CREB5: variants seen among roughly 807,000 people sequenced by gnomAD.
The protein encoded by CREB5 is cyclic AMP-responsive element-binding protein 5.
CREB5 carries 19 observed loss-of-function variants against 57.1 expected under a neutral mutation model. The observed-to-expected ratio is 0.33, with a 90% CI of 0.23 to 0.49. CREB5 has a LOEUF of 0.49. Ranked by LOEUF, CREB5 falls within the 20% of genes least tolerant of loss-of-function variation. The pLI is 0.99. For missense variants in CREB5, 579 were observed against 671.6 expected (o/e 0.86, Z 1.52); for synonymous variants, 238 against 238.3 (o/e 1.00, Z 0.01).
At chr7:28,521,493 G>C (rs1314401295) in intron 4 of CREB5, among the ~76,000 whole-genome samples, 2 of 152,140 alleles carry the variant, frequency 1.3e-5, no homozygotes, top group Non-Finnish European at 2.9e-5. Context: ...AATTGCAGGG[G>C]TGCCTTGCAG....
chr7:28,817,971 T>C (rs1369182499), intron 9 of CREB5, 100 bp from the exon 10 acceptor site: 2 of 745,056 alleles, frequency 2.7e-6, no homozygotes, highest in Non-Finnish European at 4.5e-6. Context: ...CATTTAGACA[T>C]AATGGAAGAG....
chr7:28,355,639 T>G (rs1786324254), intron 1 of CREB5, among the ~76,000 whole-genome samples: 1 of 152,134 alleles, frequency 6.6e-6, no homozygotes, highest in South Asian at 2.1e-4. Context: ...CTGCCACCAC[T>G]TAAATGGTAT....
Position 28,790,694 on chromosome 7 carries a change from A to G in CREB5, c.703-13505A>G, listed in dbSNP as rs114000304. ...AGGAAACGTTTCAATCGAAACCCAG[A>G]GTAGCAACATCTGCCTAGCAGAAGC... On this transcript the variant is annotated intron_variant, in intron 7 of 10. Transcript: ENST00000357727. 4.8e-3 allele frequency among the ~76,000 whole-genome samples: 734 copies of G among 152,374 alleles called. 12 individuals carry two copies. The highest frequency in any genetic ancestry group is 0.017 in the African/African-American group (710 of 41,600).
At chr7:28,563,993 C>G (rs1471907979) in intron 4 of CREB5, among the ~76,000 whole-genome samples, 2 of 152,214 alleles carry the variant, frequency 1.3e-5, no homozygotes, top group African/African-American at 4.8e-5. Flanking sequence ...TAGATAGCTC[C>G]TGAGAGCACC....
chr7:28,556,738 T>C (rs550781643), intron 4 of CREB5, among the ~76,000 whole-genome samples: 3 of 152,310 alleles, frequency 2.0e-5, no homozygotes, highest in African/African-American at 7.2e-5. Flanking sequence ...GCCTGGCCCG[T>C]ACACACAATC....
chr7:28,563,280 C>T (rs1004164502), intron 4 of CREB5, among the ~76,000 whole-genome samples: 4 of 152,090 alleles, frequency 2.6e-5, no homozygotes, highest in South Asian at 2.1e-4. Context: ...TGTTTTCAGA[C>T]GCTGTGCTGG....
At chr7:28,630,498 A>G (rs1798161675) in intron 5 of CREB5, among the ~76,000 whole-genome samples, 1 of 152,238 alleles carries the variant, frequency 6.6e-6, no homozygotes. Context: ...GAGTGCTGAA[A>G]AAAACATATG....
chr7:28,570,254 C>A, intron 4 of CREB5, 111 bp from the exon 5 acceptor site: 2 of 1,179,256 alleles, frequency 1.7e-6, no homozygotes, highest in Admixed American at 2.3e-5. Context: ...GAAGCCATAA[C>A]TCTCTATGTA....
intron 1 of CREB5, among the ~76,000 whole-genome samples, chr7:28,414,168 C>CCTTCTT (rs982151339): frequency 6.6e-6 from 1 of 151,786 alleles, no homozygotes; most frequent in South Asian, 2.1e-4. Context: ...TTCTCCTTCT[C>CCTTCTT]CTTCTTCTTC....
chr7:28,364,825 C>T (rs1338565747), intron 1 of CREB5, among the ~76,000 whole-genome samples: 2 of 152,174 alleles, frequency 1.3e-5, no homozygotes, highest in African/African-American at 2.4e-5. Flanking sequence ...AACTATCTGT[C>T]TTCCTTCATC....
chr7:28,425,049 A>G (rs759933601), intron 1 of CREB5, among the ~76,000 whole-genome samples: 1 of 152,170 alleles, frequency 6.6e-6, no homozygotes, highest in African/African-American at 2.4e-5. Context: ...GGTAAATTCA[A>G]TGTCTTGGGG....
intron 1 of CREB5, among the ~76,000 whole-genome samples, chr7:28,454,206 G>T (rs1265240035): frequency 2.0e-5 from 3 of 152,100 alleles, no homozygotes; most frequent in African/African-American, 4.8e-5. Flanking sequence ...GCCTGCCTCG[G>T]CCTCCCAAAG....
At chr7:28,696,166 C>T (rs1801546907) in intron 5 of CREB5, among the ~76,000 whole-genome samples, 1 of 152,176 alleles carries the variant, frequency 6.6e-6, no homozygotes, top group African/African-American at 2.4e-5. Context: ...TGGGAGCCTC[C>T]AAAGCTCTGT....
At chr7:28,562,468 G>T (rs1795313702) in intron 4 of CREB5, among the ~76,000 whole-genome samples, 1 of 152,228 alleles carries the variant, frequency 6.6e-6, no homozygotes. Flanking sequence ...TCTGGGGATT[G>T]GAGGGGAGCC....
intron 1 of CREB5, among the ~76,000 whole-genome samples, chr7:28,436,635 C>T (rs948550540): frequency 6.6e-6 from 1 of 152,086 alleles, no homozygotes; most frequent in Non-Finnish European, 1.5e-5. Flanking sequence ...TAATTAGATG[C>T]AATTGTCATT....
chr7:28,496,282 A>C (rs1168884149), intron 3 of CREB5, among the ~76,000 whole-genome samples: 1 of 152,250 alleles, frequency 6.6e-6, no homozygotes, highest in South Asian at 2.1e-4. Context: ...TAAATGTATT[A>C]GAAGAGAAAC....
chr7:28,411,025 G>GT (rs1241008481), upstream of CREB5, among the ~76,000 whole-genome samples: 1 of 152,134 alleles, frequency 6.6e-6, no homozygotes, highest in Non-Finnish European at 1.5e-5. Context: ...TGGAGTGTGG[G>GT]TAAAAGCTTC....
chr7:28,555,042 T>G (rs1466696531), intron 4 of CREB5, among the ~76,000 whole-genome samples: 1 of 152,016 alleles, frequency 6.6e-6, no homozygotes, highest in Non-Finnish European at 1.5e-5. Flanking sequence ...CACTGGAGTT[T>G]TGTTCAGCTG....
intron 1 of CREB5, among the ~76,000 whole-genome samples, chr7:28,311,509 T>C (rs1303640439): frequency 1.3e-5 from 2 of 152,240 alleles, no homozygotes; most frequent in East Asian, 3.8e-4. Flanking sequence ...CTGTCCTCCT[T>C]TTACACATTT....
Sources: gnomAD v4.1 joint callset for allele counts (sites outside exome capture counted in the v4.1 genomes callset) on GRCh38, gnomAD v4.1.1 for gene constraint, MANE v1.5 for transcripts, NCBI Gene and HGNC (gene_info 2026-07-23, HGNC 2026-07-21) for gene names.